The following C5orf47 variants were observed in gnomAD, a reference collection of about 807,000 sequenced individuals.
C5orf47 encodes the protein chromosome 5 open reading frame 47.
C5orf47 carries 20 observed loss-of-function variants against 20.6 expected under a neutral mutation model. The observed-to-expected ratio is 0.97, with a 90% CI of 0.68 to 1.41. The LOEUF is 1.41. C5orf47 is among the 40% of genes most tolerant of loss of function. C5orf47 has a pLI of 0.00. For synonymous variants in C5orf47, 106 were observed against 97.3 expected (o/e 1.09, Z -0.53); for missense variants, 262 against 238.4 (o/e 1.10, Z -0.65).
intron 2 of C5orf47, among the ~76,000 whole-genome samples, chr5:173,999,014 A>G (rs1484161265): frequency 6.6e-6 from 1 of 152,200 alleles, no homozygotes; most frequent in Non-Finnish European, 1.5e-5. Context: ...GTGAGGAGAA[A>G]AGAGCAATAA....
chr5:173,990,867 A>G (rs1758983419), intron 1 of C5orf47, among the ~76,000 whole-genome samples: 1 of 152,158 alleles, frequency 6.6e-6, no homozygotes, highest in South Asian at 2.1e-4. Context: ...CATCACTTGT[A>G]CTTACGGAAT....
At chr5:174,002,831 T>C (rs1261923529) in intron 4 of C5orf47, among the ~76,000 whole-genome samples, 2 of 152,202 alleles carry the variant, frequency 1.3e-5, no homozygotes. Context: ...TTAGCTGTTG[T>C]GTCTGTTTGG....
Position 173,992,046 on chromosome 5 carries a change from G to GA in C5orf47, c.325+2460dup, listed in dbSNP as rs1214118327. Among the ~76,000 whole-genome samples the GA allele has an allele frequency of 7.1e-4, 108 of 152,198 alleles. 1 individual carries two copies. Among genetic ancestry groups the GA allele is most frequent in the Admixed American group, 7.0e-3 (107 of 15,300 alleles). ...TTTTAGTAATCTGTATTTCCTTAAG[G>GA]AATTATCTGTCTCATCTGGGTTTCC... On this transcript the variant is annotated intron_variant, in intron 1 of 4. Transcript: ENST00000340147.
At chr5:174,002,323 G>A (rs1437994308) in intron 4 of C5orf47, among the ~76,000 whole-genome samples, 1 of 152,042 alleles carries the variant, frequency 6.6e-6, no homozygotes, top group Non-Finnish European at 1.5e-5. Flanking sequence ...ATTAGGGAAT[G>A]TACACTTTGA....
At chr5:173,997,992 G>C (rs1457130874) in intron 1 of C5orf47, among the ~76,000 whole-genome samples, 161 bp from the exon 2 acceptor site, 1 of 152,128 alleles carries the variant, frequency 6.6e-6, no homozygotes, top group Non-Finnish European at 1.5e-5. Context: ...TTTTCAACAT[G>C]TTATTAGTGA....
intron 1 of C5orf47, among the ~76,000 whole-genome samples, chr5:173,991,971 G>C (rs1015774715): frequency 1.3e-5 from 2 of 152,096 alleles, no homozygotes; most frequent in African/African-American, 2.4e-5. Context: ...CCTTCTCTAT[G>C]TTTTCTATGG....
Position 174,003,003 on chromosome 5 carries a change from G to A in C5orf47, c.*17-1268G>A, listed in dbSNP as rs527829648. Among the ~76,000 whole-genome samples, 12 of 152,268 alleles carry A rather than the reference G, an allele frequency of 7.9e-5. No individual in the cohort carries two copies. The East Asian group carries it at 9.6e-4, about 12-fold the overall frequency. ...ATTTTTTGGCTGGAACGTTGTATAC[G>A]TAATGTAACTTCCCAAAGGATTGCA... On this transcript the variant is annotated intron_variant, in intron 4 of 4. Transcript: ENST00000340147.
downstream of C5orf47, among the ~76,000 whole-genome samples, chr5:174,009,132 T>C (rs1759335340): frequency 6.6e-6 from 1 of 151,998 alleles, no homozygotes. Flanking sequence ...CTAGAAAGCC[T>C]CCAGTGTCCT....
chr5:174,000,578 A>G (rs1759178478), intron 3 of C5orf47, among the ~76,000 whole-genome samples: 1 of 152,098 alleles, frequency 6.6e-6, no homozygotes, highest in African/African-American at 2.4e-5. Context: ...GGCAACTTCT[A>G]TTTCATAGTC....
At chr5:173,999,912 A>G (rs940008741) in intron 3 of C5orf47, 113 bp downstream of exon 3, 1 of 574,590 alleles carries the variant, frequency 1.7e-6, no homozygotes, top group Non-Finnish European at 3.1e-6. Flanking sequence ...CAATATACAG[A>G]ACTATAGAAA....
At chr5:174,006,654 C>A (rs916104676), downstream of C5orf47, among the ~76,000 whole-genome samples, 4 of 151,958 alleles carry the variant, frequency 2.6e-5, no homozygotes, top group Admixed American at 2.0e-4. Flanking sequence ...AGTTTAGGAG[C>A]GGGTCTGTGG....
Position 173,989,247 on chromosome 5 carries a change from C to A in C5orf47, c.-17C>A, listed in dbSNP as rs375383741. The A allele has an allele frequency of 2.2e-6, 3 of 1,381,316 alleles. No homozygotes were observed. Among genetic ancestry groups the A allele is most frequent in the South Asian group, 1.7e-5 (1 of 58,788 alleles). The allele number at this position is 1,381,316 out of a possible 1,614,324, so 85.6% of individuals were successfully genotyped here. The stretch of plus-strand genomic sequence containing the variant: ...TCGTGTTTGCTGAGGGCCCGGCTGC[C>A]GTTGACTGAGGCTGCGATGGCGGCG... On this transcript the variant is annotated 5_prime_UTR_variant, in exon 1 of 5. Transcript: ENST00000340147.
chr5:173,997,490 G>C (rs923357672), intron 1 of C5orf47, among the ~76,000 whole-genome samples: 2 of 152,204 alleles, frequency 1.3e-5, no homozygotes, highest in African/African-American at 4.8e-5. Flanking sequence ...GTGTGTGGTA[G>C]TGTGAGTGGA....
intron 1 of C5orf47, among the ~76,000 whole-genome samples, chr5:173,993,689 G>A (rs146946937): frequency 4.6e-5 from 7 of 152,150 alleles, no homozygotes; most frequent in East Asian, 3.9e-4. Context: ...TTTATTGACC[G>A]TGCTGTACAG....
chr5:174,003,068 T>A (rs775533647), intron 4 of C5orf47, among the ~76,000 whole-genome samples: 3 of 152,216 alleles, frequency 2.0e-5, no homozygotes, highest in Non-Finnish European at 2.9e-5. Context: ...TTATTGATGA[T>A]GTTAACTTTG....
chr5:174,007,511 A>G (rs1759309818), downstream of C5orf47, among the ~76,000 whole-genome samples: 1 of 151,894 alleles, frequency 6.6e-6, no homozygotes, highest in Admixed American at 6.5e-5. Context: ...CATGGGGCAG[A>G]CAGTATTTAC....
chr5:173,989,689 G>T, intron 1 of C5orf47, 101 bp downstream of exon 1: 2 of 1,091,814 alleles, frequency 1.8e-6, no homozygotes, highest in Non-Finnish European at 2.4e-6. Flanking sequence ...GGAGGCTGGG[G>T]GCAGCTTTCC....
intron 4 of C5orf47, among the ~76,000 whole-genome samples, chr5:174,001,920 T>C (rs564813093): frequency 6.6e-6 from 1 of 152,110 alleles, no homozygotes; most frequent in East Asian, 1.9e-4. Flanking sequence ...TCACCTCTAC[T>C]GAAATCTACA....
At position 173,989,572 on chromosome 5, in the gene C5orf47, A is replaced by C; in HGVS notation, c.309A>C (p.Arg103Ser). 4.1e-6 allele frequency: 6 copies of C among 1,470,494 alleles called. No homozygotes were observed. Among genetic ancestry groups the C allele is most frequent in the Non-Finnish European group, 5.4e-6 (6 of 1,110,328 alleles). The allele number at this position is 1,470,494 out of a possible 1,614,324, so 91.1% of individuals were successfully genotyped here. Residue 103 changes from arginine (R) to serine (S), a missense_variant, in exon 1 of 5, where the codon AGA (arginine) becomes AGC (serine). Transcript: ENST00000340147. Reference protein sequence around the residue: ...LRASRVQSGTRQSARAGLIQK... With the variant: ...LRASRVQSGTSQSARAGLIQK... ...CATCGAGAGTTCAGAGCGGCACCAG[A>C]CAGTCGGCGCGTGCAGGTGGTGCAG...
Sources: allele counts gnomAD v4.1 joint callset (sites outside exome capture counted in the v4.1 genomes callset), GRCh38; gene constraint gnomAD v4.1.1; transcripts MANE v1.5; gene names NCBI Gene and HGNC (gene_info 2026-07-23, HGNC 2026-07-21).